The following FLNC variants were observed in gnomAD, a reference collection of about 807,000 sequenced individuals.
The protein encoded by FLNC is filamin-C.
In FLNC, 91 loss-of-function variants were observed where a neutral mutation model predicts 254.3. That is an observed-to-expected ratio of 0.36 (90% CI 0.30 to 0.43). FLNC has a LOEUF of 0.43. Ranked by LOEUF, FLNC falls within the 20% of genes least tolerant of loss-of-function variation. The pLI, the probability that FLNC is intolerant of heterozygous loss-of-function variation, is 1.00. For synonymous variants in FLNC, 1,430 were observed against 1,577.2 expected, an observed-to-expected ratio of 0.91 and a Z score of 2.21; for missense variants, 2,853 against 3,802.6, an observed-to-expected ratio of 0.75 and a Z score of 6.57.
rs1585151441 is a variant in FLNC at position 128,835,654 on chromosome 7, G to A, written c.601+80G>A. 4 of 1,521,792 alleles carry A rather than the reference G, an allele frequency of 2.6e-6. No individual in the cohort carries two copies. The highest frequency in any genetic ancestry group is 3.6e-6 in the Non-Finnish European group (4 of 1,109,714). The allele number at this position is 1,521,792 out of a possible 1,614,324, so 94.3% of individuals were successfully genotyped here. ...ACAAGCTGGGGCTGCCAAGGCGTGTGGTTGTCAGAATGCACACCCTGGGGC... is the reference window on the plus strand; with the variant it reads ...ACAAGCTGGGGCTGCCAAGGCGTGTAGTTGTCAGAATGCACACCCTGGGGC... On this transcript the variant is annotated intron_variant, in intron 2 of 47. Transcript: ENST00000325888. The surrounding 1 kb of genome is among the most constrained non-coding windows in gnomAD (Gnocchi z 5.3).
chr7:128,846,733 G>T lies in FLNC; in HGVS notation c.4128-12G>T. The T allele has an allele frequency of 6.2e-7, 1 of 1,612,918 alleles. No homozygotes were observed. On this transcript the variant is annotated splice_polypyrimidine_tract_variant and intron_variant, in intron 23 of 47. Transcript: ENST00000325888. ...GGTCTTATGAAGCTGATGGGGGGATGTTATCTCTCAGGGGAGCGGGCACCG... is the reference window on the plus strand; with the variant it reads ...GGTCTTATGAAGCTGATGGGGGGATTTTATCTCTCAGGGGAGCGGGCACCG...
At chr7:128,855,153 G>GC (rs1267879370) in intron 42 of FLNC, 46 bp from the exon 43 acceptor site, 1 of 1,407,792 alleles carries the variant, frequency 7.1e-7, no homozygotes, top group Non-Finnish European at 1.0e-6. Context: ...CTCCCGCCCT[G>GC]CCAACCTCCA....
Position 128,849,382 on chromosome 7 carries a change from T to C in FLNC, c.5003T>C (p.Val1668Ala). Residue 1668 changes from valine (V) to alanine (A), a missense_variant, in exon 30 of 48, where the codon GTG becomes GCG. Physicochemically the swap from Val to Ala is moderately conservative, Grantham distance 64 (BLOSUM62 0). Coordinates refer to ENST00000325888, the MANE Select transcript of FLNC (RefSeq NM_001458.5). ...ATTGGGCAGGAGACGGTGATCACGG[T>C]GGATGCCAAGGCAGCCGGTGAGGGG... is the stretch of plus-strand genomic sequence containing the variant. The part of the protein sequence containing the change: ...IQIGQETVIT[V>A]DAKAAGEGKV... 1 of 1,614,092 alleles carries C rather than the reference T, an allele frequency of 6.2e-7. No individual in the cohort carries two copies. Among genetic ancestry groups the C allele is most frequent in the Non-Finnish European group, 8.5e-7 (1 of 1,180,018 alleles).
rs775405275 is a variant in FLNC at position 128,849,544 on chromosome 7, G to C, written c.5165G>C (p.Gly1722Ala). ...GKYVITIRFG[G>A]EHIPNSPFHV... ...TACGTCATCACCATCCGCTTCGGGG[G>C]TGAGCACATCCCCAACAGCCCCTTC... is the stretch of plus-strand genomic sequence containing the variant. The change falls in exon 30 of 48, where the codon GGT becomes GCT. Residue 1722 changes from glycine to alanine, a missense_variant. Coordinates refer to ENST00000325888, the MANE Select transcript of FLNC (RefSeq NM_001458.5). 12 of 1,614,010 alleles carry C rather than the reference G, an allele frequency of 7.4e-6. No homozygotes were observed. Among genetic ancestry groups the C allele is most frequent in the Non-Finnish European group, 9.3e-6 (11 of 1,180,026 alleles).
intron 32 of FLNC, 23 bp from the exon 33 acceptor site, chr7:128,850,780 A>C (rs1563001047): frequency 6.2e-7 from 1 of 1,613,562 alleles, no homozygotes; most frequent in Non-Finnish European, 8.5e-7. Flanking sequence ...CAGGGTCTCC[A>C]CGTAACTGTG....
chr7:128,843,543 A>G lies in FLNC; in HGVS notation c.2777A>G (p.Tyr926Cys). 6.2e-7 allele frequency: 1 copy of G among 1,613,512 alleles called. No homozygotes were observed. The highest frequency in any genetic ancestry group is 8.5e-7 in the Non-Finnish European group (1 of 1,179,948). The change falls in exon 18 of 48, where the codon TAC (tyrosine) becomes TGC (cysteine). Residue 926 changes from tyrosine to cysteine, a missense_variant. Around this residue, in one of 10 missense-constraint regions of FLNC, gnomAD observed 1,573 missense variants for 1,883.5 expected, o/e 0.84. Transcript: ENST00000325888. ...TTTGAGATCATAGACAACCATGACTACTCCTACACTGTCAAGTACACCGCT... is the reference window on the plus strand; with the variant it reads ...TTTGAGATCATAGACAACCATGACTGCTCCTACACTGTCAAGTACACCGCT... ...RDFEIIDNHD[Y>C]SYTVKYTAVQ... is the part of the protein sequence containing the mutation.
chr7:128,851,001 A>G, intron 33 of FLNC, 58 bp downstream of exon 33: 2 of 1,589,146 alleles, frequency 1.3e-6, no homozygotes, highest in Non-Finnish European at 1.7e-6. Flanking sequence ...CCGTAGCTTC[A>G]GTCCTGCCTT....
chr7:128,846,227 G>A, intron 22 of FLNC, 64 bp downstream of exon 22: 1 of 1,612,702 alleles, frequency 6.2e-7, no homozygotes, highest in Non-Finnish European at 8.5e-7. Context: ...GGGATCTGAT[G>A]ATATTGCCCT....
chr7:128,834,056 C>G (rs1195903522), intron 1 of FLNC, among the ~76,000 whole-genome samples: 4 of 152,164 alleles, frequency 2.6e-5, no homozygotes, highest in African/African-American at 9.7e-5. Context: ...TCCCCAAGAC[C>G]TGGGGAAGGG....
rs533503592 is a variant in FLNC at position 128,851,975 on chromosome 7, T to G, written c.5842+347T>G. ...CCGCCTCCCGGGTTCATGCCATTCTTCTGCCTCAGCCTCCCAAGTAGCTGG... is the reference window on the plus strand; with the variant it reads ...CCGCCTCCCGGGTTCATGCCATTCTGCTGCCTCAGCCTCCCAAGTAGCTGG... On this transcript the variant is annotated intron_variant, in intron 35 of 47. Coordinates refer to ENST00000325888, the MANE Select transcript of FLNC (RefSeq NM_001458.5). Among the ~76,000 whole-genome samples the G allele has an allele frequency of 7.2e-5, 11 of 152,268 alleles. No homozygotes were observed. In the South Asian group the frequency reaches 2.3e-3, roughly 32 times the overall value.
rs2128937620 is a variant in FLNC at position 128,848,808 on chromosome 7, C to A, written c.4753C>A (p.Pro1585Thr). 1 of 1,614,176 alleles carries A rather than the reference C, an allele frequency of 6.2e-7. No individual in the cohort carries two copies. The highest frequency in any genetic ancestry group is 1.1e-5 in the South Asian group (1 of 91,086). The change falls in exon 28 of 48, where the codon CCC (proline) becomes ACC (threonine). Residue 1585 changes from proline to threonine, a missense_variant. Around this residue, in one of 10 missense-constraint regions of FLNC, gnomAD observed 1,573 missense variants for 1,883.5 expected, o/e 0.84. Transcript: ENST00000325888. ...TCTCCCTCAGGACCCCGAGGGTAAG[C>A]CCAAGAAGGCCAACATCCGGGACAA... ...TVQILDPEGK[P>T]KKANIRDNGD...
Position 128,846,067 on chromosome 7 carries a change from G to T in FLNC, c.3868G>T (p.Ala1290Ser). The change falls in exon 22 of 48, where the codon GCT becomes TCT. Residue 1290 changes from alanine (A) to serine (S), a missense_variant. Coordinates refer to ENST00000325888, the MANE Select transcript of FLNC (RefSeq NM_001458.5). ...AGCCACAGGCGGCAACCACGTGACGGCTCGTGTGCTCAACCCCTCGGGGGC... is the reference window on the plus strand; with the variant it reads ...AGCCACAGGCGGCAACCACGTGACGTCTCGTGTGCTCAACCCCTCGGGGGC... ...LTATGGNHVT[A>S]RVLNPSGAKT... 1.2e-6 allele frequency: 2 copies of T among 1,613,988 alleles called. No individual in the cohort carries two copies. Among genetic ancestry groups the T allele is most frequent in the South Asian group, 2.2e-5 (2 of 91,090 alleles).
At position 128,840,122 on chromosome 7, in the gene FLNC, C is replaced by CCGGCAG. The variant is rs753110010; in HGVS notation, c.1515_1520dup (p.Ser506_Gly507dup). On this transcript the variant is annotated inframe_insertion, in exon 9 of 48. Transcript: ENST00000325888. ...GACTTCAAGGTGTTTACCAAGGGTG[C>CCGGCAG]CGGCAGCGGGGAGCTCAAGGTCACG... The CCGGCAG allele has an allele frequency of 2.5e-6, 4 of 1,614,068 alleles. No homozygotes were observed. The highest frequency in any genetic ancestry group is 2.5e-6 in the Non-Finnish European group (3 of 1,180,036).
intron 22 of FLNC, 40 bp from the exon 23 acceptor site, chr7:128,846,261 C>A: frequency 6.2e-7 from 1 of 1,612,578 alleles, no homozygotes; most frequent in Non-Finnish European, 8.5e-7. Context: ...GTGGTGGGGG[C>A]GCACACTCCC....
At position 128,850,510 on chromosome 7, in the gene FLNC, A is replaced by G. The variant is rs771865623; in HGVS notation, c.5398+27A>G. On this transcript the variant is annotated intron_variant, in intron 32 of 47. Coordinates refer to ENST00000325888, the MANE Select transcript of FLNC (RefSeq NM_001458.5). ...TACTGCCCTGTGGCTCCCAGGCATG[A>G]GGGCTGAGGGGAGAAACCCTCTTCC... The G allele has an allele frequency of 1.3e-5, 21 of 1,563,510 alleles. No individual in the cohort carries two copies. In the South Asian group the frequency reaches 2.3e-4, roughly 17 times the overall value.
At chr7:128,840,253 C>A in intron 9 of FLNC, 93 bp downstream of exon 9, 1 of 1,466,930 alleles carries the variant, frequency 6.8e-7, no homozygotes, top group Non-Finnish European at 9.4e-7. Context: ...GCAGTGACAG[C>A]CAGCACCACA....
At position 128,847,719 on chromosome 7, in the gene FLNC, G is replaced by A; in HGVS notation, c.4311G>A (p.Val1437=). Residue 1437 remains valine, a synonymous_variant, in exon 25 of 48, where the codon GTG becomes GTA. Coordinates refer to ENST00000325888, the MANE Select transcript of FLNC (RefSeq NM_001458.5). ...PIPGSPFRVP[V]KDVVDPGKVK... ...CAGGGAGCCCGTTCCGCGTGCCAGT[G>A]AAGGATGTGGTGGACCCTGGGAAGG... 2 of 1,614,138 alleles carry A rather than the reference G, an allele frequency of 1.2e-6. No homozygotes were observed. The highest frequency in any genetic ancestry group is 1.7e-6 in the Non-Finnish European group (2 of 1,179,986).
In FLNC at chr7:128,849,356, G is replaced by C. The variant is rs1297786780; in HGVS notation, c.4977G>C (p.Gln1659His). ...GLGACLGPRIQIGQETVITVD... is the reference protein window; with the variant it reads ...GLGACLGPRIHIGQETVITVD... ...GTGCCTGCCTGGGCCCTCGAATCCA[G>C]ATTGGGCAGGAGACGGTGATCACGG... The change falls in exon 30 of 48, where the codon CAG becomes CAC. Residue 1659 changes from glutamine (Q) to histidine (H), a missense_variant. Coordinates refer to ENST00000325888, the MANE Select transcript of FLNC (RefSeq NM_001458.5). 5.0e-6 allele frequency: 8 copies of C among 1,614,010 alleles called. No individual in the cohort carries two copies. The highest frequency in any genetic ancestry group is 6.8e-6 in the Non-Finnish European group (8 of 1,180,042).
rs1169967969 is a variant in FLNC, at chr7:128,849,338, C to T, written c.4959C>T (p.Cys1653=). Residue 1653 remains cysteine, a synonymous_variant, in exon 30 of 48, where the codon TGC becomes TGT. Transcript: ENST00000325888. ...GGATCTCCCGCATGGCAGGTGCCTG[C>T]CTGGGCCCTCGAATCCAGATTGGGC... ...VSIGGHGLGA[C]LGPRIQIGQE... 1 of 1,614,000 alleles carries T rather than the reference C, an allele frequency of 6.2e-7. No homozygotes were observed. Among genetic ancestry groups the T allele is most frequent in the Non-Finnish European group, 8.5e-7 (1 of 1,180,040 alleles).
Sources: allele counts gnomAD v4.1 joint callset (sites outside exome capture counted in the v4.1 genomes callset), GRCh38; gene constraint gnomAD v4.1.1; regional missense constraint gnomAD v4.1.1; non-coding constraint Gnocchi (gnomAD v3.1); transcripts MANE v1.5; gene names NCBI Gene and HGNC (gene_info 2026-07-23, HGNC 2026-07-21).